The following PRKX variants were observed in gnomAD, a reference collection of about 807,000 sequenced individuals.
PRKX encodes protein kinase cAMP-dependent X-linked catalytic subunit.
Under a neutral mutation model 22.0 loss-of-function variants are expected in PRKX, and 12 were observed. That is an observed-to-expected ratio of 0.54 (90% CI 0.35 to 0.88). The LOEUF (loss-of-function observed/expected upper bound fraction) is 0.88. Ranked by LOEUF, PRKX falls within the 40% of genes least tolerant of loss-of-function variation. The probability of loss-of-function intolerance (pLI) is 0.01; values close to 1 mark genes in which losing one functional copy is unlikely to be tolerated. For synonymous variants in PRKX, 134 were observed against 137.7 expected, an observed-to-expected ratio of 0.97 and a Z score of 0.19; for missense variants, 217 against 308.0, an observed-to-expected ratio of 0.70 and a Z score of 2.21.
chrX:3,631,644 C>T (rs1399648568), intron 4 of PRKX, among the ~76,000 whole-genome samples: 1 of 112,251 alleles, frequency 8.9e-6, no homozygotes, highest in Non-Finnish European at 1.9e-5. Context: ...GAGATGAGAT[C>T]GTCCTGGATT....
At chrX:3,692,928 C>G (rs1004088117) in intron 1 of PRKX, among the ~76,000 whole-genome samples, 3 of 111,214 alleles carry the variant, frequency 2.7e-5, no homozygotes, top group Non-Finnish European at 3.8e-5. Context: ...TTCTAACACT[C>G]CATAACCACA....
chrX:3,689,699 T>C (rs10871865), intron 1 of PRKX, among the ~76,000 whole-genome samples: 51,558 of 110,129 alleles, frequency 0.47, 8,777 homozygotes, highest in Admixed American at 0.54. Context: ...ATGAATGGGC[T>C]GGGCGCGGTG....
At chrX:3,630,810 A>G (rs957385529) in intron 4 of PRKX, among the ~76,000 whole-genome samples, 12 of 111,551 alleles carry the variant, frequency 1.1e-4, no homozygotes, top group East Asian at 5.7e-4. Flanking sequence ...CCCATGATCC[A>G]ACCACCTCTC....
intron 4 of PRKX, among the ~76,000 whole-genome samples, chrX:3,634,155 CAGG>C (rs1334662776): frequency 4.5e-5 from 5 of 110,786 alleles, no homozygotes; most frequent in Non-Finnish European, 9.4e-5. Context: ...CAGGCTGAGG[CAGG>C]AGAATTGCTT....
rs1555894780 is a variant in PRKX, at chrX:3,648,633, T to TGTGTGTGTGCGC, written c.599+6515_599+6516insGCGCACACACAC. 2.8e-3 allele frequency among the ~76,000 whole-genome samples: 296 copies of TGTGTGTGTGCGC among 105,496 alleles called. 1 individual carries two copies. Among genetic ancestry groups the TGTGTGTGTGCGC allele is most frequent in the African/African-American group, 9.9e-3 (285 of 28,663 alleles). The allele number at this position is 105,496 out of a possible 115,157, so 91.6% of individuals were successfully genotyped here. A position where few individuals can be genotyped will look rare whatever the true frequency, so the allele number is the denominator to read the frequency against. On this transcript the variant is annotated intron_variant, in intron 3 of 8. Transcript: ENST00000262848. ...GTGTGTGTGTGTGTGTGTGTGTGTG[T>TGTGTGTGTGCGC]GTGTGTGTGTGTGTGTGTGTGTGTG...
intron 3 of PRKX, among the ~76,000 whole-genome samples, chrX:3,648,513 A>C (rs776777280): frequency 3.1e-4 from 34 of 109,619 alleles, no homozygotes; most frequent in African/African-American, 1.1e-3. Flanking sequence ...ACAAATGGGC[A>C]AAGAGAAAAA....
intron 5 of PRKX, among the ~76,000 whole-genome samples, chrX:3,625,954 C>T (rs1344557636): frequency 9.8e-5 from 11 of 111,909 alleles, no homozygotes; most frequent in Non-Finnish European, 2.1e-4. Context: ...TGCCAATATC[C>T]AGCAACTGTA....
chrX:3,664,426 CAG>C (rs1347285114), intron 2 of PRKX, among the ~76,000 whole-genome samples: 167 of 111,281 alleles, frequency 1.5e-3, no homozygotes, highest in African/African-American at 5.1e-3. Flanking sequence ...TTTGTAGAGA[CAG>C]GGTCTCCCTA....
At chrX:3,691,191 C>T (rs933596280) in intron 1 of PRKX, among the ~76,000 whole-genome samples, 3 of 111,509 alleles carry the variant, frequency 2.7e-5, no homozygotes, top group Non-Finnish European at 5.6e-5. Context: ...CTTGCAGAAG[C>T]GAGAACAAAG....
intron 1 of PRKX, among the ~76,000 whole-genome samples, chrX:3,709,924 G>A (rs1928755368): frequency 9.1e-6 from 1 of 109,922 alleles, no homozygotes; most frequent in Non-Finnish European, 1.9e-5. Flanking sequence ...AGGTAACTCA[G>A]GTATGCGCCA....
chrX:3,687,481 G>A (rs992352485), intron 1 of PRKX, among the ~76,000 whole-genome samples: 1 of 111,761 alleles, frequency 8.9e-6, no homozygotes. Context: ...ACACCTAAGA[G>A]GTAAGTGCCT....
At chrX:3,711,093 A>G (rs752765752) in intron 1 of PRKX, among the ~76,000 whole-genome samples, 3 of 111,459 alleles carry the variant, frequency 2.7e-5, no homozygotes, top group Non-Finnish European at 5.6e-5. Context: ...GGCTTGGATA[A>G]AAGGTTGCAG....
intron 3 of PRKX, among the ~76,000 whole-genome samples, chrX:3,648,553 C>G (rs1309928216): frequency 9.6e-6 from 1 of 103,793 alleles, no homozygotes; most frequent in African/African-American, 3.6e-5. Context: ...TGATAACAAT[C>G]GAAGCTGGGT....
chrX:3,676,289 TC>T (rs1198189713), intron 1 of PRKX, among the ~76,000 whole-genome samples: 1 of 112,082 alleles, frequency 8.9e-6, no homozygotes, highest in African/African-American at 3.2e-5. Context: ...AGTGTATCCT[TC>T]TGAGGAACCA....
intron 1 of PRKX, among the ~76,000 whole-genome samples, chrX:3,675,912 T>A (rs911807079): frequency 6.3e-5 from 7 of 111,225 alleles, no homozygotes; most frequent in African/African-American, 2.3e-4. Context: ...ACCCAGTTAA[T>A]TTTTGTACTT....
In PRKX at chrX:3,674,990, G is replaced by GGA. The variant is rs772976301; in HGVS notation, c.167-226_167-225dup. Among the ~76,000 whole-genome samples the GGA allele has an allele frequency of 2.7e-5, 3 of 111,436 alleles. No individual in the cohort carries two copies. The South Asian group carries it at 1.1e-3, about 42-fold the overall frequency. On this transcript the variant is annotated intron_variant, in intron 1 of 8. Coordinates refer to ENST00000262848, the MANE Select transcript of PRKX (RefSeq NM_005044.5). The stretch of plus-strand genomic sequence containing the variant: ...ACAGAAATTGCAGAGAGAGAAAGAG[G>GGA]GAGAGAGAGGGAGACAGAGAGAGCC...
intron 4 of PRKX, among the ~76,000 whole-genome samples, chrX:3,634,105 CCAGG>C (rs1926839580): frequency 9.1e-6 from 1 of 109,644 alleles, no homozygotes; most frequent in South Asian, 4.0e-4. Context: ...CAAAAATTAG[CCAGG>C]CACGGTGGCA....
chrX:3,647,778 G>C (rs1927220440), intron 3 of PRKX, among the ~76,000 whole-genome samples: 1 of 109,235 alleles, frequency 9.2e-6, no homozygotes, highest in Non-Finnish European at 1.9e-5. Context: ...GTGGTGGGAA[G>C]TCCACTGACC....
intron 1 of PRKX, among the ~76,000 whole-genome samples, chrX:3,700,198 C>G (rs770845242): frequency 9.0e-6 from 1 of 111,712 alleles, no homozygotes; most frequent in Non-Finnish European, 1.9e-5. Context: ...TTGTGACAGC[C>G]AAAGCACCAG....
Sources: allele counts gnomAD v4.1 joint callset (sites outside exome capture counted in the v4.1 genomes callset), GRCh38; gene constraint gnomAD v4.1.1; transcripts MANE v1.5; gene names NCBI Gene and HGNC (gene_info 2026-07-23, HGNC 2026-07-21).